Variants in HEATR6 observed in about 807,000 individuals in gnomAD.
HEATR6 encodes HEAT repeat containing 6.
A neutral mutation model predicts 132.8 loss-of-function variants in HEATR6; 106 were observed. The ratio of observed to expected loss-of-function variants is 0.80; its 90% confidence interval spans 0.68 to 0.94. HEATR6 has a LOEUF of 0.94. HEATR6 is among the 40% of genes least tolerant of loss of function. The pLI is 0.00. For synonymous variants in HEATR6, 529 were observed against 537.8 expected (o/e 0.98, Z 0.23); for missense variants, 1,339 against 1,425.1 (o/e 0.94, Z 0.97).
intron 14 of HEATR6, among the ~76,000 whole-genome samples, chr17:60,052,787 T>C (rs996781665): frequency 6.6e-6 from 1 of 152,080 alleles, no homozygotes; most frequent in Non-Finnish European, 1.5e-5. Flanking sequence ...ACTGGCACAG[T>C]GTAGGGGTAG....
At position 60,073,191 on chromosome 17, in the gene HEATR6, A is replaced by G. The variant is rs2145201912; in HGVS notation, c.557T>C (p.Val186Ala). The change falls in exon 4 of 20, where the codon GTA becomes GCA. Residue 186 changes from valine to alanine, a missense_variant. Physicochemically the swap from Val to Ala is moderately conservative, Grantham distance 64. Transcript: ENST00000184956. The stretch of plus-strand genomic sequence containing the variant: ...GAGACATAAGTTTGCCATACAATGT[A>G]CTGCAGCTCTCCTGACTTCAGGATC... The part of the protein sequence containing the change: ...QSDPEVRRAA[V>A]HCMANLCLSV... The G allele has an allele frequency of 6.2e-7, 1 of 1,611,808 alleles. No homozygotes were observed. Among genetic ancestry groups the G allele is most frequent in the Non-Finnish European group, 8.5e-7 (1 of 1,177,896 alleles).
chr17:60,062,561 T>G (rs547549284), intron 9 of HEATR6, among the ~76,000 whole-genome samples: 13 of 152,228 alleles, frequency 8.5e-5, no homozygotes, highest in Non-Finnish European at 1.8e-4. Flanking sequence ...TCTCAGAATA[T>G]TTCTGGAAGG....
At chr17:60,066,162 T>C (rs2083239303) in intron 9 of HEATR6, 47 bp downstream of exon 9, 4 of 1,475,442 alleles carry the variant, frequency 2.7e-6, no homozygotes, top group South Asian at 1.2e-5. Context: ...TAAGGATCTG[T>C]AAATTTTTTC....
At chr17:60,076,874 G>C (rs1164474138) in intron 1 of HEATR6, among the ~76,000 whole-genome samples, 1 of 148,730 alleles carries the variant, frequency 6.7e-6, no homozygotes. Context: ...AAGTGAACCA[G>C]ATTTTCAATG....
Position 60,049,603 on chromosome 17 carries a change from CA to C in HEATR6, c.2523del (p.Tyr841Ter). The C allele has an allele frequency of 6.2e-7, 1 of 1,613,916 alleles. No homozygotes were observed. The highest frequency in any genetic ancestry group is 8.5e-7 in the Non-Finnish European group (1 of 1,179,840). ...ACCTGTCTGAGACAGGGAAAAAGCA[CA>C]TAGACTCCCAGGGCCCGTGAAGTTG... ...KAATSRALGV[Y>X]VLFPCLRQDV... On this transcript the variant is annotated frameshift_variant, in exon 16 of 20. Transcript: ENST00000184956. LOFTEE classifies it high-confidence loss of function.
chr17:60,053,042 C>T (rs529639174), intron 14 of HEATR6, among the ~76,000 whole-genome samples: 7 of 152,272 alleles, frequency 4.6e-5, no homozygotes, highest in East Asian at 1.9e-4. Flanking sequence ...CCCTCCAAAT[C>T]TCATGTTGAC....
chr17:60,071,905 T>C (rs1175684078), intron 5 of HEATR6, among the ~76,000 whole-genome samples: 1 of 152,262 alleles, frequency 6.6e-6, no homozygotes, highest in East Asian at 1.9e-4. Flanking sequence ...ATTGCAGATA[T>C]ATTTGGTGAA....
chr17:60,057,233 C>T lies in HEATR6; in HGVS notation c.1894G>A (p.Ala632Thr), dbSNP rs1906774188. The part of the protein sequence containing the change: ...SPPDWWKKAP[A>T]GPSLEETSVS... ...GACGTTTCTTCCAGAGAGGGTCCTG[C>T]AGGGGCTTTCTTCCACCAATCAGGA... is the stretch of plus-strand genomic sequence containing the variant. Residue 632 changes from alanine to threonine, a missense_variant, in exon 12 of 20, where the codon GCA becomes ACA. Coordinates refer to ENST00000184956, the MANE Select transcript of HEATR6 (RefSeq NM_022070.5). The T allele has an allele frequency of 6.2e-7, 1 of 1,614,160 alleles. No individual in the cohort carries two copies. Among genetic ancestry groups the T allele is most frequent in the Non-Finnish European group, 8.5e-7 (1 of 1,180,026 alleles).
At chr17:60,046,341 C>G (rs1474654391) in intron 18 of HEATR6, 112 bp from the exon 19 acceptor site, 1 of 740,422 alleles carries the variant, frequency 1.4e-6, no homozygotes, top group Non-Finnish European at 2.2e-6. Flanking sequence ...AAAGCAAGTC[C>G]TTGGAACTCA....
At chr17:60,047,040 TA>T (rs1390124462) in intron 18 of HEATR6, among the ~76,000 whole-genome samples, 1 of 150,644 alleles carries the variant, frequency 6.6e-6, no homozygotes, top group Non-Finnish European at 1.5e-5. Context: ...TTTTGGAAAA[TA>T]AAAAAAAGTT....
At chr17:60,068,114 C>A (rs531856248) in intron 7 of HEATR6, among the ~76,000 whole-genome samples, 39 of 152,296 alleles carry the variant, frequency 2.6e-4, no homozygotes, top group African/African-American at 8.2e-4. Flanking sequence ...GCCTTCTCAA[C>A]TGGAATTTCT....
At position 60,076,058 on chromosome 17, in the gene HEATR6, TG is replaced by T. The variant is rs1597959526; in HGVS notation, c.327+71del. The T allele has an allele frequency of 6.9e-6, 6 of 868,088 alleles. No homozygotes were observed. In the East Asian group the frequency reaches 1.5e-4, roughly 21 times the overall value. The allele number at this position is 868,088 out of a possible 1,614,324, so 53.8% of individuals were successfully genotyped here. The stretch of plus-strand genomic sequence containing the variant: ...AACAGCCTATCATACCTACTACAGA[TG>T]TAGTATTTCAAAGGTATTTACTTAC... On this transcript the variant is annotated intron_variant, in intron 2 of 19. Coordinates refer to ENST00000184956, the MANE Select transcript of HEATR6 (RefSeq NM_022070.5).
chr17:60,062,234 G>C (rs2083216044), intron 9 of HEATR6, among the ~76,000 whole-genome samples: 2 of 152,164 alleles, frequency 1.3e-5, no homozygotes. Context: ...TGGTTTACCA[G>C]TCCTAATCAG....
In HEATR6 at chr17:60,067,462, C is replaced by A. The variant is rs1438291277; in HGVS notation, c.1210G>T (p.Ala404Ser). Residue 404 changes from alanine to serine, a missense_variant, in exon 8 of 20, where the codon GCT becomes TCT. Ala to Ser is a moderately conservative substitution (Grantham distance 99). Coordinates refer to ENST00000184956, the MANE Select transcript of HEATR6 (RefSeq NM_022070.5). Reference protein sequence around the residue: ...VSSSESDFSDAEGGMQSKMRS... With the variant: ...VSSSESDFSDSEGGMQSKMRS... ...ATTTTACTCTGCATGCCTCCTTCAG[C>A]ATCAGAAAAGTCTGACTCACTACTG... The A allele has an allele frequency of 1.4e-5, 22 of 1,562,970 alleles. No individual in the cohort carries two copies. Among genetic ancestry groups the A allele is most frequent in the Non-Finnish European group, 1.9e-5 (22 of 1,159,072 alleles).
At chr17:60,075,431 T>C (rs540739166) in intron 2 of HEATR6, among the ~76,000 whole-genome samples, 1 of 152,348 alleles carries the variant, frequency 6.6e-6, no homozygotes, top group Admixed American at 6.5e-5. Context: ...CTAATTCACA[T>C]AATGCTAGTT....
chr17:60,077,857 G>C (rs1406353316), intron 1 of HEATR6, among the ~76,000 whole-genome samples: 4 of 152,200 alleles, frequency 2.6e-5, no homozygotes, highest in Admixed American at 2.6e-4. Flanking sequence ...GAATAGACAG[G>C]AGGGGATGAA....
At position 60,048,971 on chromosome 17, in the gene HEATR6, ACATATATAT is replaced by A. The variant is rs1404210255; in HGVS notation, c.2548-592_2548-584del. ...AGTAATTAAAAATTAAAAATAAATA[ACATATATAT>A]ATAATATATATATATATATATATAT... On this transcript the variant is annotated intron_variant, in intron 16 of 19. Coordinates refer to ENST00000184956, the MANE Select transcript of HEATR6 (RefSeq NM_022070.5). 3.0e-3 allele frequency among the ~76,000 whole-genome samples: 316 copies of A among 106,500 alleles called. 2 individuals carry two copies. Among genetic ancestry groups the A allele is most frequent in the African/African-American group, 0.012 (294 of 23,830 alleles). The allele number at this position is 106,500 out of a possible 152,430, so 69.9% of individuals were successfully genotyped here. A position where few individuals can be genotyped will look rare whatever the true frequency, so the allele number is the denominator to read the frequency against.
intron 19 of HEATR6, among the ~76,000 whole-genome samples, chr17:60,045,613 T>C (rs950283073): frequency 7.9e-5 from 12 of 152,186 alleles, no homozygotes; most frequent in African/African-American, 2.4e-4. Context: ...TAAAGTAATA[T>C]ATGCTTATTG....
chr17:60,043,657 C>T lies in HEATR6; in HGVS notation c.3452G>A (p.Arg1151Lys). 2 of 1,614,204 alleles carry T rather than the reference C, an allele frequency of 1.2e-6. No individual in the cohort carries two copies. The highest frequency in any genetic ancestry group is 2.2e-5 in the East Asian group (1 of 44,890). The change falls in exon 20 of 20, where the codon AGA (arginine) becomes AAA (lysine). Residue 1151 changes from arginine (R) to lysine (K), a missense_variant. Coordinates refer to ENST00000184956, the MANE Select transcript of HEATR6 (RefSeq NM_022070.5). ...TTCTAAAAAGCCCATGATGGCCCTT[C>T]TGGCTGTGTCTCCAGTTGGTGCCTG... ...SIQAPTGDTARRAIMGFLEEI... is the reference protein window; with the variant it reads ...SIQAPTGDTAKRAIMGFLEEI...
Sources: allele counts gnomAD v4.1 joint callset (sites outside exome capture counted in the v4.1 genomes callset), GRCh38; gene constraint gnomAD v4.1.1; transcripts MANE v1.5; gene names NCBI Gene and HGNC (gene_info 2026-07-23, HGNC 2026-07-21).